The following LMBR1 variants were observed in gnomAD, a reference collection of about 807,000 sequenced individuals.
LMBR1 encodes the protein limb development membrane protein 1, also known as limb region 1 protein homolog.
In LMBR1, 52 loss-of-function variants were observed where a neutral mutation model predicts 73.9. The observed-to-expected ratio is 0.70, with a 90% CI of 0.56 to 0.89. The LOEUF is 0.89. Among genes scored for constraint, LMBR1 ranks in the 40% least tolerant of loss-of-function variants. The pLI is 0.00. For missense variants in LMBR1, 539 were observed against 579.8 expected (o/e 0.93, Z 0.72); for synonymous variants, 215 against 209.4 (o/e 1.03, Z -0.23).
intron 5 of LMBR1, among the ~76,000 whole-genome samples, chr7:156,779,489 G>C (rs1248547815): frequency 6.6e-6 from 1 of 152,166 alleles, no homozygotes; most frequent in Non-Finnish European, 1.5e-5. Context: ...GATTAGTAAA[G>C]ACTAAACACT....
chr7:156,866,792 C>T (rs967143849), intron 1 of LMBR1, among the ~76,000 whole-genome samples: 9 of 152,026 alleles, frequency 5.9e-5, no homozygotes, highest in East Asian at 1.9e-4. Flanking sequence ...TTAGCAGAGA[C>T]GAGATTTCAC....
Position 156,736,430 on chromosome 7 carries a change from T to G in LMBR1, c.758-2173A>C, listed in dbSNP as rs1221727108. 79 of 435,126 alleles carry G rather than the reference T, an allele frequency of 1.8e-4. No homozygotes were observed. The Admixed American group carries it at 1.9e-3, about 11-fold the overall frequency. 27.0% of individuals were successfully genotyped at this position (435,126 alleles called of 1,614,324 possible). A position where few individuals can be genotyped will look rare whatever the true frequency, so the allele number is the denominator to read the frequency against. On this transcript the variant is annotated intron_variant, in intron 9 of 16. Coordinates refer to ENST00000353442, the MANE Select transcript of LMBR1 (RefSeq NM_022458.4). Reference sequence around the variant, plus strand: ...ACTTTCTATACTACTTAAGTGATTTTTTTAAAGGTTTTATCTTTATCAAGA... The same window carrying G: ...ACTTTCTATACTACTTAAGTGATTTGTTTAAAGGTTTTATCTTTATCAAGA...
chr7:156,773,770 A>C lies in LMBR1; in HGVS notation c.424-9975T>G, dbSNP rs986468693. On this transcript the variant is annotated intron_variant, in intron 5 of 16. Coordinates refer to ENST00000353442, the MANE Select transcript of LMBR1 (RefSeq NM_022458.4). ...ACCCTGGAAAAAAAACCTAGGAAAT[A>C]CCATTCTAAACAGAGGCCCTGGCAA... is the stretch of plus-strand genomic sequence containing the variant. Among the ~76,000 whole-genome samples the C allele has an allele frequency of 2.0e-5, 3 of 152,188 alleles. No homozygotes were observed. The East Asian group carries it at 5.8e-4, about 29-fold the overall frequency.
At chr7:156,837,622 A>G (rs1308924513) in intron 1 of LMBR1, among the ~76,000 whole-genome samples, 1 of 152,150 alleles carries the variant, frequency 6.6e-6, no homozygotes, top group Non-Finnish European at 1.5e-5. Context: ...ATTGACAGAT[A>G]CATTAAACAT....
At chr7:156,742,868 C>T (rs1026729686) in intron 9 of LMBR1, among the ~76,000 whole-genome samples, 1 of 152,046 alleles carries the variant, frequency 6.6e-6, no homozygotes, top group African/African-American at 2.4e-5. Context: ...TACTAGCAAA[C>T]CGAATTCAAC....
intron 9 of LMBR1, among the ~76,000 whole-genome samples, chr7:156,749,216 T>C (rs1820392789): frequency 6.6e-6 from 1 of 152,154 alleles, no homozygotes; most frequent in South Asian, 2.1e-4. Context: ...GAAGAATGCC[T>C]AGAGAAAGCC....
In LMBR1 at chr7:156,763,781, G is replaced by A. The variant is rs371671424; in HGVS notation, c.438C>T (p.Arg146=). ...GAAGCATGACCAAAGTCTCTAAAAT[G>A]CGGGCTCGGATTCCCTGAAAAATAG... ...FAGLKKGIRA[R]ILETLVMLLL... Residue 146 remains arginine (R), a synonymous_variant, in exon 6 of 17, where the codon CGC becomes CGT. Transcript: ENST00000353442. The A allele has an allele frequency of 1.3e-6, 2 of 1,595,010 alleles. No individual in the cohort carries two copies. The highest frequency in any genetic ancestry group is 1.7e-6 in the Non-Finnish European group (2 of 1,174,844).
At chr7:156,751,137 C>G (rs1421868881) in intron 9 of LMBR1, among the ~76,000 whole-genome samples, 1 of 151,964 alleles carries the variant, frequency 6.6e-6, no homozygotes, top group African/African-American at 2.4e-5. Context: ...AAATAAATCC[C>G]TGGAGTTCAT....
intron 2 of LMBR1, among the ~76,000 whole-genome samples, chr7:156,834,151 C>T (rs895320782): frequency 2.0e-5 from 3 of 152,054 alleles, no homozygotes; most frequent in African/African-American, 7.2e-5. Context: ...TGGGTGATAA[C>T]AGCCAACAAA....
At chr7:156,813,816 C>A (rs1352622113) in intron 4 of LMBR1, among the ~76,000 whole-genome samples, 2 of 152,120 alleles carry the variant, frequency 1.3e-5, no homozygotes, top group African/African-American at 4.8e-5. Context: ...CTGTTCAATA[C>A]CTGCTACTTT....
chr7:156,820,473 G>C (rs1468748312), intron 4 of LMBR1, among the ~76,000 whole-genome samples: 1 of 152,130 alleles, frequency 6.6e-6, no homozygotes, highest in Non-Finnish European at 1.5e-5. Flanking sequence ...TGTAACTAGT[G>C]AGTGAGAAGT....
At chr7:156,752,176 G>T (rs1263893011) in intron 9 of LMBR1, among the ~76,000 whole-genome samples, 1 of 152,180 alleles carries the variant, frequency 6.6e-6, no homozygotes, top group African/African-American at 2.4e-5. Flanking sequence ...TAAGGACTAC[G>T]AAGTCACAGA....
intron 4 of LMBR1, chr7:156,823,729 T>A (rs963598363): frequency 6.6e-6 from 1 of 152,084 alleles, no homozygotes; most frequent in Non-Finnish European, 1.5e-5. Context: ...TTGAAGAACA[T>A]AAAAGGTATG....
chr7:156,726,754 A>G (rs1405361369), intron 12 of LMBR1, among the ~76,000 whole-genome samples: 2 of 152,200 alleles, frequency 1.3e-5, no homozygotes, highest in Non-Finnish European at 2.9e-5. Context: ...AAAACCTAGG[A>G]AGGTCACACA....
In LMBR1 at chr7:156,679,307, C is replaced by T. The variant is rs764112385; in HGVS notation, c.*4771G>A. 1.3e-5 allele frequency: 2 copies of T among 152,058 alleles called. No individual in the cohort carries two copies. Among genetic ancestry groups the T allele is most frequent in the Non-Finnish European group, 1.5e-5 (1 of 68,038 alleles). The allele number at this position is 152,058 out of a possible 1,614,324, so 9.4% of individuals were successfully genotyped here. On this transcript the variant is annotated 3_prime_UTR_variant, in exon 17 of 17. Coordinates refer to ENST00000353442, the MANE Select transcript of LMBR1 (RefSeq NM_022458.4). ...CTTTGATGAGATTCCACAGTAAAGACTAAAAAGAAAAGAAAAAGTGAATCA... is the reference window on the plus strand; with the variant it reads ...CTTTGATGAGATTCCACAGTAAAGATTAAAAAGAAAAGAAAAAGTGAATCA...
intron 5 of LMBR1, 66 bp from the exon 6 acceptor site, chr7:156,763,861 C>A: frequency 1.5e-6 from 2 of 1,343,884 alleles, no homozygotes; most frequent in Non-Finnish European, 2.0e-6. Context: ...AAGGTTTCTG[C>A]CTATATGAAA....
At chr7:156,874,375 C>T (rs1400710980) in intron 1 of LMBR1, among the ~76,000 whole-genome samples, 1 of 152,186 alleles carries the variant, frequency 6.6e-6, no homozygotes, top group Non-Finnish European at 1.5e-5. Flanking sequence ...GGCTCCCGCT[C>T]GTGCCTCTCC....
intron 1 of LMBR1, among the ~76,000 whole-genome samples, chr7:156,880,205 G>A (rs979495995): frequency 2.2e-4 from 34 of 152,172 alleles, no homozygotes; most frequent in African/African-American, 8.0e-4. Flanking sequence ...CAACAACCTG[G>A]ATGGGATTGG....
intron 15 of LMBR1, among the ~76,000 whole-genome samples, chr7:156,696,556 C>T (rs186935776): frequency 5.3e-5 from 8 of 152,236 alleles, no homozygotes; most frequent in African/African-American, 9.6e-5. Flanking sequence ...TGGCAGAGGG[C>T]GAAAGGCACT....
Sources: gnomAD v4.1 joint callset for allele counts (sites outside exome capture counted in the v4.1 genomes callset) on GRCh38, gnomAD v4.1.1 for gene constraint, MANE v1.5 for transcripts, NCBI Gene and HGNC (gene_info 2026-07-23, HGNC 2026-07-21) for gene names.